Variants in RNF152 observed in about 807,000 individuals in gnomAD.
RNF152 encodes the protein ring finger protein 152, also known as E3 ubiquitin-protein ligase RNF152.
A neutral mutation model predicts 12.7 loss-of-function variants in RNF152; 11 were observed. The ratio of observed to expected loss-of-function variants is 0.86; its 90% CI spans 0.54 to 1.43. The LOEUF (loss-of-function observed/expected upper bound fraction) is 1.43. Ranked by LOEUF, RNF152 falls within the 40% of genes most tolerant of loss-of-function variation. The probability of loss-of-function intolerance (pLI) is 0.00; values close to 1 mark genes in which losing one functional copy is unlikely to be tolerated. For synonymous variants in RNF152, 113 were observed against 120.3 expected (o/e 0.94, Z 0.40); for missense variants, 255 against 274.8 (o/e 0.93, Z 0.51).
At chr18:61,881,421 G>A (rs1001846749) in intron 1 of RNF152, among the ~76,000 whole-genome samples, 1 of 152,208 alleles carries the variant, frequency 6.6e-6, no homozygotes, top group African/African-American at 2.4e-5. Context: ...AGAGGACAAT[G>A]AGTCTGTTCA....
intron 1 of RNF152, among the ~76,000 whole-genome samples, chr18:61,820,198 G>A (rs1225848803): frequency 2.0e-5 from 3 of 150,000 alleles, no homozygotes; most frequent in East Asian, 2.0e-4. Context: ...GCATGGTGGC[G>A]GACGCCTGTA....
chr18:61,843,561 C>A (rs555522887), intron 1 of RNF152, among the ~76,000 whole-genome samples: 5 of 152,170 alleles, frequency 3.3e-5, no homozygotes, highest in Non-Finnish European at 5.9e-5. Context: ...CAAATGCCCA[C>A]AGACAGATGA....
At chr18:61,893,473 G>A (rs1235025108), upstream of RNF152, 3 of 152,516 alleles carry the variant, frequency 2.0e-5, no homozygotes, top group African/African-American at 7.2e-5. Context: ...CCCAAGCCAT[G>A]CCCCGACCCC....
At chr18:61,883,806 G>A (rs1005714880) in intron 1 of RNF152, among the ~76,000 whole-genome samples, 4 of 152,174 alleles carry the variant, frequency 2.6e-5, no homozygotes, top group African/African-American at 4.8e-5. Flanking sequence ...GGCTAGCTCA[G>A]AACCCTTTCT....
In RNF152 at chr18:61,813,899, G is replaced by A. The variant is rs534958658; in HGVS notation, c.*1953C>T. Reference sequence around the variant, plus strand: ...TGACACTAACCCAACAGTATATTATGTTATGTAATAGAGGATAGTATTCAG... The same window carrying A: ...TGACACTAACCCAACAGTATATTATATTATGTAATAGAGGATAGTATTCAG... On this transcript the variant is annotated 3_prime_UTR_variant, in exon 2 of 2. Transcript: ENST00000312828. 7 of 152,124 alleles carry A rather than the reference G, an allele frequency of 4.6e-5. No individual in the cohort carries two copies. In the South Asian group the frequency reaches 1.4e-3, roughly 32 times the overall value. 9.4% of individuals were successfully genotyped at this position (152,124 alleles called of 1,614,324 possible). A position where few individuals can be genotyped will look rare whatever the true frequency, so the allele number is the denominator to read the frequency against.
At chr18:61,831,681 A>G (rs1909956105) in intron 1 of RNF152, among the ~76,000 whole-genome samples, 1 of 64,916 alleles carries the variant, frequency 1.5e-5, no homozygotes, top group Admixed American at 1.5e-4. Flanking sequence ...CTCAAAGCAG[A>G]ACAAACAAAC....
chr18:61,868,269 CT>C (rs376688755), intron 1 of RNF152, among the ~76,000 whole-genome samples: 145 of 152,344 alleles, frequency 9.5e-4, no homozygotes, highest in African/African-American at 3.4e-3. Flanking sequence ...CAATATTTCT[CT>C]TTTCCTCCTA....
At chr18:61,817,210 G>C (rs1274880698) in intron 1 of RNF152, among the ~76,000 whole-genome samples, 1 of 152,170 alleles carries the variant, frequency 6.6e-6, no homozygotes, top group Non-Finnish European at 1.5e-5. Context: ...ATCATTTGAA[G>C]AGAACAAAAC....
chr18:61,837,990 C>T (rs1017518979), intron 1 of RNF152, among the ~76,000 whole-genome samples: 6 of 150,348 alleles, frequency 4.0e-5, no homozygotes, highest in African/African-American at 1.5e-4. Flanking sequence ...CCTCTGATTT[C>T]TCACCTCTGT....
At chr18:61,884,591 T>C (rs1407425506) in intron 1 of RNF152, among the ~76,000 whole-genome samples, 1 of 152,178 alleles carries the variant, frequency 6.6e-6, no homozygotes, top group Admixed American at 6.5e-5. Flanking sequence ...GACAGTCTCA[T>C]TCTGTCGCCC....
At chr18:61,830,019 G>A (rs1328498886) in intron 1 of RNF152, among the ~76,000 whole-genome samples, 3 of 149,024 alleles carry the variant, frequency 2.0e-5, no homozygotes, top group African/African-American at 7.3e-5. Context: ...TATTTCCAGA[G>A]AGCTTCTTTT....
intron 1 of RNF152, among the ~76,000 whole-genome samples, chr18:61,844,223 G>GAGGGAGGGAGGA (rs1555702474): frequency 3.7e-5 from 5 of 135,886 alleles, no homozygotes; most frequent in East Asian, 2.3e-4. Flanking sequence ...GGGAGGGAAG[G>GAGGGAGGGAGGA]AGGGAGACGG....
chr18:61,816,528 C>T lies in RNF152; in HGVS notation c.-65G>A, dbSNP rs969806655. 1.9e-6 allele frequency: 3 copies of T among 1,539,436 alleles called. No individual in the cohort carries two copies. Among genetic ancestry groups the T allele is most frequent in the East Asian group, 2.3e-5 (1 of 44,118 alleles). On this transcript the variant is annotated 5_prime_UTR_variant, in exon 2 of 2. It adds an upstream start codon to the 5' untranslated region. Transcript: ENST00000312828. ...GGAAGGAGCTGCTTCTCAGAGGCCA[C>T]CGCCCTGTGTCTTTGCAGTGCAGGT... is the stretch of plus-strand genomic sequence containing the variant.
At position 61,856,393 on chromosome 18, in the gene RNF152, G is replaced by A. The variant is rs112296907; in HGVS notation, c.-136+36402C>T. ...CTGTTGGGAACTCATCTGCCACAGC[G>A]CCTACTTCTTTCATGGCAGCTCTAG... is the stretch of plus-strand genomic sequence containing the variant. On this transcript the variant is annotated intron_variant, in intron 1 of 1. Transcript: ENST00000312828. Among the ~76,000 whole-genome samples, 426 of 152,272 alleles carry A rather than the reference G, an allele frequency of 2.8e-3. 4 individuals are homozygous for A. Among genetic ancestry groups the A allele is most frequent in the African/African-American group, 9.8e-3 (408 of 41,542 alleles).
chr18:61,850,074 A>G (rs1910901977), intron 1 of RNF152, among the ~76,000 whole-genome samples: 1 of 152,182 alleles, frequency 6.6e-6, no homozygotes, highest in South Asian at 2.1e-4. Flanking sequence ...TTCTTTCTCA[A>G]TCCACCTAAC....
At chr18:61,885,866 C>T (rs1344882907) in intron 1 of RNF152, among the ~76,000 whole-genome samples, 1 of 152,020 alleles carries the variant, frequency 6.6e-6, no homozygotes, top group Non-Finnish European at 1.5e-5. Flanking sequence ...CATCACAAAT[C>T]CAGGCATCAA....
chr18:61,845,760 C>G (rs1007569198), intron 1 of RNF152, among the ~76,000 whole-genome samples: 1 of 152,174 alleles, frequency 6.6e-6, no homozygotes, highest in Non-Finnish European at 1.5e-5. Context: ...CATTGAAACC[C>G]TCCTCTCAGG....
At chr18:61,827,891 T>C (rs1294271833) in intron 1 of RNF152, among the ~76,000 whole-genome samples, 2 of 152,192 alleles carry the variant, frequency 1.3e-5, no homozygotes, top group Admixed American at 1.3e-4. Context: ...AAGAAAAAAG[T>C]ACAAACCTTG....
chr18:61,882,103 G>T (rs1429816075), intron 1 of RNF152, among the ~76,000 whole-genome samples: 1 of 152,160 alleles, frequency 6.6e-6, no homozygotes, highest in Non-Finnish European at 1.5e-5. Flanking sequence ...ACACTCAAAG[G>T]AAATTCTCAT....
Sources: gnomAD v4.1 joint callset for allele counts (sites outside exome capture counted in the v4.1 genomes callset) on GRCh38, gnomAD v4.1.1 for gene constraint, MANE v1.5 for transcripts, NCBI Gene and HGNC (gene_info 2026-07-23, HGNC 2026-07-21) for gene names.